TNRC18: variants seen among roughly 807,000 people sequenced by gnomAD.
TNRC18 encodes trinucleotide repeat-containing gene 18 protein.
A neutral mutation model predicts 226.7 loss-of-function variants in TNRC18; 69 were observed. The ratio of observed to expected loss-of-function variants is 0.30; its 90% CI spans 0.25 to 0.37. The LOEUF (loss-of-function observed/expected upper bound fraction) is 0.37. TNRC18 is among the 10% of genes least tolerant of loss of function. The pLI is 1.00. For synonymous variants in TNRC18, 2,449 were observed against 1,927.6 expected (o/e 1.27, Z -7.09); for missense variants, 4,754 against 4,256.6 (o/e 1.12, Z -3.25).
chr7:5,321,931 C>T (rs1165687222), intron 21 of TNRC18, among the ~76,000 whole-genome samples: 2 of 151,862 alleles, frequency 1.3e-5, no homozygotes, highest in African/African-American at 4.8e-5. Context: ...CTCAGCCTCC[C>T]AAGTACTGGG....
At chr7:5,399,084 T>C (rs1188101706) in intron 2 of TNRC18, among the ~76,000 whole-genome samples, 1 of 152,152 alleles carries the variant, frequency 6.6e-6, no homozygotes, top group Non-Finnish European at 1.5e-5. Flanking sequence ...CTTCCATCTC[T>C]AGACTATACT....
Position 5,421,109 on chromosome 7 carries a change from C to G in TNRC18, c.138G>C (p.Pro46=). ...GRLPASGLPG[P]LPPGKYMAGL... is the part of the protein sequence containing the mutation. ...CGGCCATGTACTTCCCGGGCGGCAG[C>G]GGGCCGGGCAAGCCCGAGGCGGGCA... Residue 46 remains proline, a synonymous_variant, in exon 2 of 30, where the codon CCG becomes CCC. Coordinates refer to ENST00000430969, the MANE Select transcript of TNRC18 (RefSeq NM_001080495.3). The G allele has an allele frequency of 1.4e-6, 2 of 1,471,992 alleles. No individual in the cohort carries two copies. Among genetic ancestry groups the G allele is most frequent in the Non-Finnish European group, 1.8e-6 (2 of 1,102,528 alleles). The allele number at this position is 1,471,992 out of a possible 1,614,324, so 91.2% of individuals were successfully genotyped here.
At chr7:5,350,543 G>T (rs1791677693) in intron 17 of TNRC18, among the ~76,000 whole-genome samples, 1 of 152,202 alleles carries the variant, frequency 6.6e-6, no homozygotes, top group South Asian at 2.1e-4. Flanking sequence ...ACATCCAGGT[G>T]TGGCTACCCA....
In TNRC18 at chr7:5,409,138, A is replaced by G. The variant is rs118139179; in HGVS notation, c.187+11922T>C. Among the ~76,000 whole-genome samples the G allele has an allele frequency of 4.6e-4, 68 of 146,832 alleles. No homozygotes were observed. In the East Asian group the frequency reaches 0.014, roughly 31 times the overall value. ...AATGGCCAACAAGCCCCACCCTTAC[A>G]TCTGAATCCCATCTGCTTTTTCTTA... On this transcript the variant is annotated intron_variant, in intron 2 of 29. Transcript: ENST00000430969.
chr7:5,373,557 C>G (rs1794356044), intron 10 of TNRC18, among the ~76,000 whole-genome samples: 1 of 152,208 alleles, frequency 6.6e-6, no homozygotes, highest in Non-Finnish European at 1.5e-5. Flanking sequence ...AAAGTCCTCC[C>G]AAGCACACGC....
intron 14 of TNRC18, 53 bp downstream of exon 14, chr7:5,361,541 T>C: frequency 1.4e-6 from 2 of 1,438,498 alleles, no homozygotes; most frequent in South Asian, 2.9e-5. Context: ...GGGCCCGGGC[T>C]CCTCCCCTCA....
intron 2 of TNRC18, chr7:5,420,677 T>G: frequency 2.1e-6 from 1 of 487,406 alleles, no homozygotes; most frequent in Non-Finnish European, 4.0e-6. Context: ...AAGAAAAAGA[T>G]TCGAGCTCGG....
intron 11 of TNRC18, among the ~76,000 whole-genome samples, chr7:5,369,191 TACA>T (rs1331858563): frequency 1.3e-5 from 2 of 151,876 alleles, no homozygotes; most frequent in Non-Finnish European, 2.9e-5. Context: ...CTACTAAAAA[TACA>T]ACAATTAGCC....
intron 29 of TNRC18, 38 bp downstream of exon 29, chr7:5,308,837 T>TTGCCCCC: frequency 1.2e-6 from 1 of 834,156 alleles, no homozygotes; most frequent in Non-Finnish European, 2.0e-6. Context: ...GAAGCAGCCA[T>TTGCCCCC]CCCCAACCCG....
chr7:5,333,074 G>A lies in TNRC18; in HGVS notation c.5720-25C>T, dbSNP rs540354833. The stretch of plus-strand genomic sequence containing the variant: ...CCTGAACGCGGGAGGAGGGCGTGCT[G>A]GTCACAGCCTCGTGGGGACCCCTTC... On this transcript the variant is annotated intron_variant, in intron 18 of 29. Coordinates refer to ENST00000430969, the MANE Select transcript of TNRC18 (RefSeq NM_001080495.3). 6.4e-5 allele frequency: 100 copies of A among 1,554,128 alleles called. 3 individuals are homozygous for A. The South Asian group carries it at 9.5e-4, about 15-fold the overall frequency.
chr7:5,316,296 T>TTTTTTG (rs71004654), intron 24 of TNRC18, among the ~76,000 whole-genome samples: 1 of 144,564 alleles, frequency 6.9e-6, no homozygotes, highest in Non-Finnish European at 1.5e-5. Context: ...TTTTTTTTTT[T>TTTTTTG]GAGACAGAGT....
intron 24 of TNRC18, among the ~76,000 whole-genome samples, chr7:5,318,992 G>A (rs987137793): frequency 3.6e-4 from 55 of 152,184 alleles, no homozygotes; most frequent in African/African-American, 6.5e-4. Context: ...AACATGCAAC[G>A]CAACAAAAGC....
rs143417768 is a variant in TNRC18 at position 5,376,502 on chromosome 7, G to A, written c.2609-278C>T. On this transcript the variant is annotated intron_variant, in intron 8 of 29. Transcript: ENST00000430969. Reference sequence around the variant, plus strand: ...AGCAGGTCAGCACGCAGACACGTACGAGGACCACTGTGAGGACCTAGGGAA... The same window carrying A: ...AGCAGGTCAGCACGCAGACACGTACAAGGACCACTGTGAGGACCTAGGGAA... Among the ~76,000 whole-genome samples, 11 of 152,298 alleles carry A rather than the reference G, an allele frequency of 7.2e-5. No individual in the cohort carries two copies. The East Asian group carries it at 1.7e-3, about 24-fold the overall frequency.
chr7:5,377,090 C>G lies in TNRC18; in HGVS notation c.2462-97G>C. On this transcript the variant is annotated intron_variant, in intron 7 of 29. Coordinates refer to ENST00000430969, the MANE Select transcript of TNRC18 (RefSeq NM_001080495.3). The surrounding 1 kb of genome is among the most constrained non-coding windows in gnomAD (Gnocchi z 5.8). ...CCAGCACCACCTCCCAAGTCCTGAA[C>G]CTCCTGGGGCCTCCAGTGGGGAAGC... The G allele has an allele frequency of 6.8e-7, 1 of 1,474,350 alleles. No individual in the cohort carries two copies. Among genetic ancestry groups the G allele is most frequent in the South Asian group, 1.3e-5 (1 of 76,668 alleles). 91.3% of individuals were successfully genotyped at this position (1,474,350 alleles called of 1,614,324 possible). A position where few individuals can be genotyped will look rare whatever the true frequency, so the allele number is the denominator to read the frequency against.
At chr7:5,411,768 C>T (rs1781859701) in intron 2 of TNRC18, among the ~76,000 whole-genome samples, 1 of 151,948 alleles carries the variant, frequency 6.6e-6, no homozygotes, top group South Asian at 2.1e-4. Context: ...GGCTCTCCAG[C>T]ACACCCAAGA....
At chr7:5,361,144 TC>T (rs1792998511) in intron 14 of TNRC18, among the ~76,000 whole-genome samples, 1 of 151,870 alleles carries the variant, frequency 6.6e-6, no homozygotes, top group African/African-American at 2.4e-5. Context: ...GAGAAGCTTG[TC>T]CCCAAGTGCC....
intron 2 of TNRC18, among the ~76,000 whole-genome samples, chr7:5,419,596 G>T (rs901496155): frequency 6.6e-6 from 1 of 151,660 alleles, no homozygotes; most frequent in Non-Finnish European, 1.5e-5. Flanking sequence ...GCCACAACAC[G>T]CCACTAGAGA....
intron 27 of TNRC18, among the ~76,000 whole-genome samples, chr7:5,310,673 TAC>T (rs1417976113): frequency 2.0e-5 from 3 of 152,242 alleles, no homozygotes; most frequent in Non-Finnish European, 4.4e-5. Flanking sequence ...GTGCTGGGAT[TAC>T]AGACTTAAGC....
intron 18 of TNRC18, 45 bp downstream of exon 18, chr7:5,345,517 G>GGGGGGGCCCCCCCCCCCCCCCC: frequency 5.3e-6 from 2 of 377,744 alleles, no homozygotes; most frequent in Non-Finnish European, 9.7e-6. Context: ...AATGGCGTCC[G>GGGGGGGCCCCCCCCCCCCCCCC]CCCCTCCCAC....
Sources: gnomAD v4.1 joint callset for allele counts (sites outside exome capture counted in the v4.1 genomes callset) on GRCh38, gnomAD v4.1.1 for gene constraint, Gnocchi (gnomAD v3.1) non-coding constraint, MANE v1.5 for transcripts, NCBI Gene and HGNC (gene_info 2026-07-23, HGNC 2026-07-21) for gene names.